Variants in C8orf74 observed in about 807,000 individuals in gnomAD.
C8orf74 encodes chromosome 8 open reading frame 74, also known as uncharacterized protein C8orf74.
A neutral mutation model predicts 22.2 loss-of-function variants in C8orf74; 29 were observed. That is an observed-to-expected ratio of 1.31 (90% CI 0.97 to 1.78). The LOEUF (loss-of-function observed/expected upper bound fraction) is 1.78, where lower values mean the gene tolerates loss of function less well. Ranked by LOEUF, C8orf74 falls within the 40% of genes most tolerant of loss-of-function variation. The pLI is 0.00. For synonymous variants in C8orf74, 255 were observed against 163.1 expected, an observed-to-expected ratio of 1.56 and a Z score of -4.30; for missense variants, 515 against 369.9, an observed-to-expected ratio of 1.39 and a Z score of -3.22.
At chr8:10,675,562 C>T (rs1481761058) in intron 2 of C8orf74, 1 of 152,186 alleles carries the variant, frequency 6.6e-6, no homozygotes, top group Non-Finnish European at 1.5e-5. Flanking sequence ...CCCACAACAT[C>T]CTTCGTAGTG....
At chr8:10,694,947 G>T (rs1799458644) in intron 2 of C8orf74, among the ~76,000 whole-genome samples, 1 of 151,722 alleles carries the variant, frequency 6.6e-6, no homozygotes, top group African/African-American at 2.4e-5. Flanking sequence ...TGGGTGCATA[G>T]ATGGGTGGGT....
At chr8:10,679,201 G>A (rs1336122067) in intron 2 of C8orf74, among the ~76,000 whole-genome samples, 1 of 152,108 alleles carries the variant, frequency 6.6e-6, no homozygotes, top group Non-Finnish European at 1.5e-5. Flanking sequence ...TTCATTTATG[G>A]CCCTGGAACG....
intron 2 of C8orf74, among the ~76,000 whole-genome samples, chr8:10,693,594 G>C (rs1290145332): frequency 6.6e-6 from 1 of 152,210 alleles, no homozygotes; most frequent in Non-Finnish European, 1.5e-5. Flanking sequence ...TGGGGGCTGA[G>C]AATACACAGG....
At position 10,697,705 on chromosome 8, in the gene C8orf74, C is replaced by T. The variant is rs1799554725; in HGVS notation, c.348C>T (p.His116=). 1 of 1,613,888 alleles carries T rather than the reference C, an allele frequency of 6.2e-7. No individual in the cohort carries two copies. Among genetic ancestry groups the T allele is most frequent in the African/African-American group, 1.3e-5 (1 of 74,944 alleles). ...TGGCCCTCTGTGACTACTTCCACCA[C>T]ACCTTCATCCGCCACTACAAACTCT... ...HLLALCDYFH[H]TFIRHYKLYQ... The change falls in exon 3 of 4, where the codon CAC becomes CAT. Residue 116 remains histidine, a synonymous_variant. Coordinates refer to ENST00000304519, the MANE Select transcript of C8orf74 (RefSeq NM_001040032.2).
rs1366698963 is a variant in C8orf74, at chr8:10,697,959, T to C, written c.602T>C (p.Phe201Ser). 6.5e-7 allele frequency: 1 copy of C among 1,545,266 alleles called. No homozygotes were observed. Among genetic ancestry groups the C allele is most frequent in the Admixed American group, 1.9e-5 (1 of 54,022 alleles). The change falls in exon 3 of 4, where the codon TTC becomes TCC. Residue 201 changes from phenylalanine (F) to serine (S), a missense_variant. Coordinates refer to ENST00000304519, the MANE Select transcript of C8orf74 (RefSeq NM_001040032.2). ...LERENSLQKA[F>S]AAAAPAQPGQ... ...CGGGAGAACTCGCTGCAGAAGGCGT[T>C]CGCTGCCGCCGCGCCTGCGCAGCCC... is the stretch of plus-strand genomic sequence containing the variant.
At position 10,697,746 on chromosome 8, in the gene C8orf74, G is replaced by C. The variant is rs1262422882; in HGVS notation, c.389G>C (p.Gly130Ala). Residue 130 changes from glycine to alanine, a missense_variant, in exon 3 of 4, where the codon GGC becomes GCC. Coordinates refer to ENST00000304519, the MANE Select transcript of C8orf74 (RefSeq NM_001040032.2). ...RHYKLYQYVL[G>A]QDQQVDLTVA... The stretch of plus-strand genomic sequence containing the variant: ...TACAAACTCTACCAGTATGTCCTGG[G>C]CCAGGACCAGCAGGTCGACCTGACC... 1.9e-6 allele frequency: 3 copies of C among 1,613,898 alleles called. No individual in the cohort carries two copies. Among genetic ancestry groups the C allele is most frequent in the Non-Finnish European group, 2.5e-6 (3 of 1,179,900 alleles).
At chr8:10,673,412 C>T (rs1798958387) in intron 1 of C8orf74, among the ~76,000 whole-genome samples, 1 of 152,148 alleles carries the variant, frequency 6.6e-6, no homozygotes, top group South Asian at 2.1e-4. Context: ...TCTTGGCCTG[C>T]CCGTGTGTCT....
At chr8:10,697,556 C>T (rs751641205) in intron 2 of C8orf74, 43 bp from the exon 3 acceptor site, 1 of 1,580,844 alleles carries the variant, frequency 6.3e-7, no homozygotes, top group Non-Finnish European at 8.6e-7. Flanking sequence ...GGCAGGGCAG[C>T]TCTGTCCCAC....
rs377577647 is a variant in C8orf74, at chr8:10,697,727, C to G, written c.370C>G (p.Leu124Val). The change falls in exon 3 of 4, where the codon CTC (leucine) becomes GTC (valine). Residue 124 changes from leucine to valine, a missense_variant. Coordinates refer to ENST00000304519, the MANE Select transcript of C8orf74 (RefSeq NM_001040032.2). ...FHHTFIRHYK[L>V]YQYVLGQDQQ... ...CCACACCTTCATCCGCCACTACAAA[C>G]TCTACCAGTATGTCCTGGGCCAGGA... The G allele has an allele frequency of 6.2e-6, 10 of 1,613,952 alleles. No homozygotes were observed. The African/African-American group carries it at 1.3e-4, about 22-fold the overall frequency.
chr8:10,695,916 G>A (rs1366698121), intron 2 of C8orf74, among the ~76,000 whole-genome samples: 1 of 152,106 alleles, frequency 6.6e-6, no homozygotes, highest in Non-Finnish European at 1.5e-5. Context: ...GATCTGGTGG[G>A]CGCCTGGCCC....
chr8:10,679,789 G>A (rs2129056592), intron 2 of C8orf74: 1 of 152,490 alleles, frequency 6.6e-6, no homozygotes, highest in East Asian at 1.9e-4. Context: ...CGTCCTCTCT[G>A]GGCCCTGCAG....
intron 3 of C8orf74, among the ~76,000 whole-genome samples, chr8:10,700,031 T>C (rs2062551082): frequency 6.6e-6 from 1 of 152,120 alleles, no homozygotes; most frequent in African/African-American, 2.4e-5. Context: ...CAGGAGAAGA[T>C]GAGGACCTCC....
At chr8:10,684,924 T>C (rs1316012316) in intron 2 of C8orf74, among the ~76,000 whole-genome samples, 1 of 152,210 alleles carries the variant, frequency 6.6e-6, no homozygotes, top group Non-Finnish European at 1.5e-5. Context: ...ACGGCCCATC[T>C]GATAACGGAG....
At chr8:10,689,764 TAAGA>T (rs1225810153) in intron 2 of C8orf74, 1 of 152,166 alleles carries the variant, frequency 6.6e-6, no homozygotes, top group Non-Finnish European at 1.5e-5. Flanking sequence ...AAGAAAGTAT[TAAGA>T]AAAACATAAG....
At chr8:10,698,946 C>CAT (rs58963991) in intron 3 of C8orf74, among the ~76,000 whole-genome samples, 2 of 144,386 alleles carry the variant, frequency 1.4e-5, no homozygotes, top group African/African-American at 2.6e-5. Flanking sequence ...CACACACACA[C>CAT]GAAAATCTCT....
Position 10,672,643 on chromosome 8 carries a change from C to T in C8orf74, c.-23C>T, listed in dbSNP as rs765171474. On this transcript the variant is annotated 5_prime_UTR_variant, in exon 1 of 4. Transcript: ENST00000304519. ...ACTCTGAGTCAGTCTGGCTCCGTCT[C>T]CTGGCAACCAGATGCAGGGGCCATG... is the stretch of plus-strand genomic sequence containing the variant. 10 of 1,559,354 alleles carry T rather than the reference C, an allele frequency of 6.4e-6. No homozygotes were observed. The East Asian group carries it at 1.7e-4, about 26-fold the overall frequency.
chr8:10,698,066 C>G lies in C8orf74; in HGVS notation c.648+61C>G, dbSNP rs557230961. On this transcript the variant is annotated intron_variant, in intron 3 of 3. Coordinates refer to ENST00000304519, the MANE Select transcript of C8orf74 (RefSeq NM_001040032.2). ...GGGCCTGCAGAGACACCAGCCAGGG[C>G]TGGAGTCACTGCAGATGGGAGCTCC... 35 of 1,418,288 alleles carry G rather than the reference C, an allele frequency of 2.5e-5. No homozygotes were observed. In the African/African-American group the frequency reaches 4.2e-4, roughly 17 times the overall value. 87.9% of individuals were successfully genotyped at this position (1,418,288 alleles called of 1,614,324 possible). A position where few individuals can be genotyped will look rare whatever the true frequency, so the allele number is the denominator to read the frequency against.
intron 2 of C8orf74, 36 bp from the exon 3 acceptor site, chr8:10,697,563 C>T: frequency 6.3e-7 from 1 of 1,591,000 alleles, no homozygotes; most frequent in Non-Finnish European, 8.6e-7. Flanking sequence ...CAGCTCTGTC[C>T]CACTCCCACT....
At chr8:10,676,009 G>A (rs775015483) in intron 2 of C8orf74, among the ~76,000 whole-genome samples, 3 of 152,118 alleles carry the variant, frequency 2.0e-5, no homozygotes, top group Non-Finnish European at 4.4e-5. Context: ...GGTCTGGATC[G>A]GATGGGTCGT....
Sources: allele counts gnomAD v4.1 joint callset (sites outside exome capture counted in the v4.1 genomes callset), GRCh38; gene constraint gnomAD v4.1.1; transcripts MANE v1.5; gene names NCBI Gene and HGNC (gene_info 2026-07-23, HGNC 2026-07-21).